TGM5: variants seen among roughly 807,000 people sequenced by gnomAD.
The protein encoded by TGM5 is protein-glutamine gamma-glutamyltransferase 5.
Under a neutral mutation model 77.2 loss-of-function variants are expected in TGM5, and 69 were observed. The ratio of observed to expected loss-of-function variants is 0.89; its 90% confidence interval spans 0.74 to 1.09. The LOEUF is 1.09. Among genes scored for constraint, TGM5 ranks in the 50% least tolerant of loss-of-function variants. The pLI is 0.00. For synonymous variants in TGM5, 346 were observed against 351.8 expected (o/e 0.98, Z 0.18); for missense variants, 842 against 896.5 (o/e 0.94, Z 0.78).
At chr15:43,243,275 C>CTGGA (rs1488125254) in intron 6 of TGM5, among the ~76,000 whole-genome samples, 2 of 152,200 alleles carry the variant, frequency 1.3e-5, no homozygotes, top group Non-Finnish European at 2.9e-5. Context: ...TGCATCTTTG[C>CTGGA]TGGATGGATG....
intron 7 of TGM5, 122 bp downstream of exon 7, chr15:43,240,730 G>A: frequency 6.2e-6 from 8 of 1,280,508 alleles, no homozygotes; most frequent in South Asian, 1.2e-5. Flanking sequence ...GGGAGGGTGA[G>A]GGGGTGTGGA....
Position 43,233,643 on chromosome 15 carries a change from C to T in TGM5, c.1920G>A (p.Val640=). Residue 640 remains valine (V), a synonymous_variant, in exon 12 of 13, where the codon GTG becomes GTA. Transcript: ENST00000220420. ...GCTCCGAGAGGGGGTTTGAAAATATCACCTGTATGGAGAGTGGCTGGTTCA... is the reference window on the plus strand; with the variant it reads ...GCTCCGAGAGGGGGTTTGAAAATATTACCTGTATGGAGAGTGGCTGGTTCA... ...AVVNQPLSIQ[V]IFSNPLSEQV... is the part of the protein sequence containing the mutation. The T allele has an allele frequency of 8.1e-6, 13 of 1,614,152 alleles. No homozygotes were observed. The highest frequency in any genetic ancestry group is 1.1e-5 in the Non-Finnish European group (13 of 1,180,028).
chr15:43,234,923 G>A lies in TGM5; in HGVS notation c.1721C>T (p.Thr574Ile), dbSNP rs1209631073. Residue 574 changes from threonine (T) to isoleucine (I), a missense_variant, in exon 11 of 13, where the codon ACC (threonine) becomes ATC (isoleucine). Transcript: ENST00000220420. ...FITLSPKEAK[T>I]YPCKISYSQY... is the part of the protein sequence containing the mutation. ...GGAATAGGAGATTTTGCAGGGGTAG[G>A]TCTTTGCTAAAGAAAGAACACAAGG... 6.2e-7 allele frequency: 1 copy of A among 1,613,996 alleles called. No individual in the cohort carries two copies. Among genetic ancestry groups the A allele is most frequent in the Non-Finnish European group, 8.5e-7 (1 of 1,179,942 alleles).
intron 3 of TGM5, among the ~76,000 whole-genome samples, chr15:43,259,696 C>G (rs1258258365): frequency 6.6e-6 from 1 of 151,924 alleles, no homozygotes; most frequent in Non-Finnish European, 1.5e-5. Flanking sequence ...TTTTTTGACC[C>G]TTTCCTTCAT....
chr15:43,263,626 T>C (rs1418839772), intron 1 of TGM5, among the ~76,000 whole-genome samples: 2 of 152,222 alleles, frequency 1.3e-5, no homozygotes, highest in Non-Finnish European at 2.9e-5. Context: ...AGAATGAAGT[T>C]AGATGCATAA....
intron 4 of TGM5, among the ~76,000 whole-genome samples, chr15:43,255,089 T>C (rs909247787): frequency 6.6e-6 from 1 of 151,978 alleles, no homozygotes; most frequent in Non-Finnish European, 1.5e-5. Context: ...ATCCCAACAC[T>C]TTGGGAGGCC....
At chr15:43,243,154 G>A (rs1032450575) in intron 6 of TGM5, among the ~76,000 whole-genome samples, 1 of 152,218 alleles carries the variant, frequency 6.6e-6, no homozygotes, top group Non-Finnish European at 1.5e-5. Context: ...TATGAGGCTT[G>A]TAATGAATTG....
intron 1 of TGM5, among the ~76,000 whole-genome samples, chr15:43,262,541 C>T (rs971318949): frequency 6.6e-6 from 1 of 151,784 alleles, no homozygotes; most frequent in Non-Finnish European, 1.5e-5. Flanking sequence ...AATTTCAGCA[C>T]TTTGGGAGGC....
At chr15:43,251,917 T>C (rs1263252064) in intron 6 of TGM5, among the ~76,000 whole-genome samples, 2 of 152,156 alleles carry the variant, frequency 1.3e-5, no homozygotes, top group Non-Finnish European at 2.9e-5. Flanking sequence ...TTTTCTTCCT[T>C]CCCCTAACCC....
At position 43,235,454 on chromosome 15, in the gene TGM5, T is replaced by C. The variant is rs1490341872; in HGVS notation, c.1714+15A>G. The C allele has an allele frequency of 6.2e-7, 1 of 1,613,868 alleles. No individual in the cohort carries two copies. Among genetic ancestry groups the C allele is most frequent in the East Asian group, 2.2e-5 (1 of 44,864 alleles). On this transcript the variant is annotated intron_variant, in intron 10 of 12. Coordinates refer to ENST00000220420, the MANE Select transcript of TGM5 (RefSeq NM_201631.4). ...CAAAACCAACTCTGCGTACACAAAC[T>C]GTGCACATGCGTACCTTCTTTAGGA...
At chr15:43,248,339 A>C (rs560029792) in intron 6 of TGM5, among the ~76,000 whole-genome samples, 2 of 152,008 alleles carry the variant, frequency 1.3e-5, no homozygotes, top group Admixed American at 1.3e-4. Flanking sequence ...CGCCCAGCTA[A>C]TTTTTTGTAT....
intron 4 of TGM5, among the ~76,000 whole-genome samples, chr15:43,254,825 C>A (rs2042731810): frequency 6.6e-6 from 1 of 152,148 alleles, no homozygotes; most frequent in African/African-American, 2.4e-5. Flanking sequence ...CTATGATACT[C>A]CCATGCCCAA....
In TGM5 at chr15:43,266,825, A is replaced by AG. The variant is rs1222728429; in HGVS notation, c.10+14dup. 22 of 1,613,986 alleles carry AG rather than the reference A, an allele frequency of 1.4e-5. No individual in the cohort carries two copies. The highest frequency in any genetic ancestry group is 1.9e-5 in the Non-Finnish European group (22 of 1,180,008). ...CTTATCCCTGAACTCCAGTGGCCACAGGGGCTTTCCCTACCTTGGGCCATG... is the reference window on the plus strand; with the variant it reads ...CTTATCCCTGAACTCCAGTGGCCACAGGGGGCTTTCCCTACCTTGGGCCATG... On this transcript the variant is annotated intron_variant, in intron 1 of 12. Coordinates refer to ENST00000220420, the MANE Select transcript of TGM5 (RefSeq NM_201631.4).
At chr15:43,259,933 G>T (rs1249337834) in intron 3 of TGM5, 119 bp downstream of exon 3, 4 of 1,420,164 alleles carry the variant, frequency 2.8e-6, no homozygotes, top group East Asian at 4.6e-5. Context: ...GATGCTGAGT[G>T]CAGGGAATTG....
chr15:43,237,633 C>T (rs561506978), intron 9 of TGM5, among the ~76,000 whole-genome samples: 11 of 152,050 alleles, frequency 7.2e-5, no homozygotes, highest in African/African-American at 2.7e-4. Flanking sequence ...ACTGCAGCCT[C>T]AAATTCTGAG....
chr15:43,258,930 GTC>G (rs2042764339), intron 3 of TGM5, among the ~76,000 whole-genome samples: 1 of 152,186 alleles, frequency 6.6e-6, no homozygotes, highest in Non-Finnish European at 1.5e-5. Flanking sequence ...CCATGGCAGG[GTC>G]TCTCCACCTG....
chr15:43,245,531 C>T (rs553705154), intron 6 of TGM5, among the ~76,000 whole-genome samples: 1 of 152,160 alleles, frequency 6.6e-6, no homozygotes, highest in East Asian at 1.9e-4. Context: ...CTTAATAGTA[C>T]CTTAAGTATG....
intron 6 of TGM5, among the ~76,000 whole-genome samples, chr15:43,242,626 A>G (rs1395053779): frequency 2.6e-5 from 4 of 152,232 alleles, no homozygotes; most frequent in Non-Finnish European, 5.9e-5. Context: ...GCACTTTGAC[A>G]CAGAGCCTCT....
rs150457385 is a variant in TGM5, at chr15:43,239,164, G to A, written c.1104C>T (p.Asn368=). The part of the protein sequence containing the change: ...VLDATPQEMS[N]GVYCCGPASV... ...TGCCTTTCTTCTGGAGAGCCTCACC[G>A]TTGCTCATCTCCTGAGGTGTGGCGT... The change falls in exon 8 of 13, where the codon AAC becomes AAT. Residue 368 remains asparagine (N), a splice_region_variant and synonymous_variant. Transcript: ENST00000220420. The A allele has an allele frequency of 1.9e-4, 301 of 1,614,142 alleles. No individual in the cohort carries two copies. Among genetic ancestry groups the A allele is most frequent in the African/African-American group, 6.9e-4 (52 of 75,044 alleles).
Sources: allele counts gnomAD v4.1 joint callset (sites outside exome capture counted in the v4.1 genomes callset), GRCh38; gene constraint gnomAD v4.1.1; transcripts MANE v1.5; gene names NCBI Gene and HGNC (gene_info 2026-07-23, HGNC 2026-07-21).